Variants in ATM observed in about 807,000 individuals in gnomAD.
The protein encoded by ATM is serine-protein kinase ATM.
A neutral mutation model predicts 387.0 loss-of-function variants in ATM; 308 were observed. The ratio of observed to expected loss-of-function variants is 0.80; its 90% CI spans 0.73 to 0.87. The LOEUF is 0.87. Ranked by LOEUF, ATM falls within the 40% of genes least tolerant of loss-of-function variation. The pLI is 0.00. For synonymous variants in ATM, 1,156 were observed against 1,187.3 expected, an observed-to-expected ratio of 0.97 and a Z score of 0.54; for missense variants, 3,312 against 3,560.9, an observed-to-expected ratio of 0.93 and a Z score of 1.78.
intron 47 of ATM, among the ~76,000 whole-genome samples, chr11:108,326,670 T>C (rs958253395): frequency 6.6e-6 from 1 of 152,202 alleles, no homozygotes; most frequent in Non-Finnish European, 1.5e-5. Flanking sequence ...ACATTACCTG[T>C]TGGTTTTTGC....
intron 40 of ATM, among the ~76,000 whole-genome samples, chr11:108,312,749 A>G (rs1010808447): frequency 2.0e-5 from 3 of 152,214 alleles, no homozygotes; most frequent in African/African-American, 7.2e-5. Context: ...CTCAGAGTTT[A>G]TGCCATGCAT....
At chr11:108,354,070 A>AACAC (rs71047689) in intron 60 of ATM, among the ~76,000 whole-genome samples, 190 bp downstream of exon 60, 3,653 of 114,852 alleles carry the variant, frequency 0.032, 78 homozygotes, top group East Asian at 0.055. Context: ...CACACACACA[A>AACAC]ACACACACAC....
intron 49 of ATM, among the ~76,000 whole-genome samples, chr11:108,329,527 CCT>C (rs537961944): frequency 1.4e-4 from 22 of 152,186 alleles, no homozygotes; most frequent in Admixed American, 2.6e-4. Context: ...TGATTCTCCC[CCT>C]GAGCCCCCGA....
chr11:108,265,699 C>T lies in ATM; in HGVS notation c.2467-1472C>T, dbSNP rs868290267. Among the ~76,000 whole-genome samples the T allele has an allele frequency of 3.2e-3, 468 of 145,180 alleles. No individual in the cohort carries two copies. The Middle Eastern group carries it at 0.041, about 13-fold the overall frequency. ...ACTACCATCAGAGTGAACAGGCAAC[C>T]TACAAAATGGGAGAAAATTTTCGCA... is the stretch of plus-strand genomic sequence containing the variant. On this transcript the variant is annotated intron_variant, in intron 16 of 62. Coordinates refer to ENST00000675843, the MANE Select transcript of ATM (RefSeq NM_000051.4).
chr11:108,358,017 A>C (rs1288284058), intron 61 of ATM, among the ~76,000 whole-genome samples: 3 of 145,366 alleles, frequency 2.1e-5, no homozygotes, highest in African/African-American at 7.5e-5. Flanking sequence ...AGGACATTCA[A>C]ACCAAAGGCA....
chr11:108,267,237 A>C lies in ATM; in HGVS notation c.2533A>C (p.Asn845His), dbSNP rs1591587679. The C allele has an allele frequency of 6.2e-7, 1 of 1,614,140 alleles. No homozygotes were observed. The highest frequency in any genetic ancestry group is 8.5e-7 in the Non-Finnish European group (1 of 1,179,978). ...VESMEDDTNGNLMEVEDQSSM... is the reference protein window; with the variant it reads ...VESMEDDTNGHLMEVEDQSSM... ...ATCAATGGAAGATGATACTAATGGA[A>C]ATCTAATGGAGGTGGAGGATCAGTC... The change falls in exon 17 of 63, where the codon AAT (asparagine) becomes CAT (histidine). Residue 845 changes from asparagine to histidine, a missense_variant. By Grantham distance (68) the Asn-to-His change is moderately conservative. This residue lies in a region of ATM where 1,791 missense variants were observed against 1,804.5 expected (regional missense o/e 0.99). Transcript: ENST00000675843.
intron 61 of ATM, among the ~76,000 whole-genome samples, chr11:108,357,963 G>C (rs2090225105): frequency 6.7e-6 from 1 of 149,976 alleles, no homozygotes; most frequent in Non-Finnish European, 1.5e-5. Flanking sequence ...TTGACGAGCT[G>C]AGAGAAGAAG....
intron 37 of ATM, among the ~76,000 whole-genome samples, chr11:108,307,655 CAATT>C (rs2083793108): frequency 1.3e-5 from 2 of 152,156 alleles, no homozygotes; most frequent in Non-Finnish European, 2.9e-5. Flanking sequence ...CTTATTGAAT[CAATT>C]AATTAGTCCT....
At chr11:108,240,669 A>G (rs1191762795) in intron 5 of ATM, among the ~76,000 whole-genome samples, 1 of 145,394 alleles carries the variant, frequency 6.9e-6, no homozygotes, top group Non-Finnish European at 1.5e-5. Flanking sequence ...TATAGTATAA[A>G]GGATAAAACA....
chr11:108,279,738 A>G lies in ATM; in HGVS notation c.3402+130A>G, dbSNP rs912697735. 1.2e-5 allele frequency: 9 copies of G among 756,590 alleles called. 1 individual carries two copies. The highest frequency in any genetic ancestry group is 1.2e-4 in the South Asian group (8 of 69,060). The allele number at this position is 756,590 out of a possible 1,614,324, so 46.9% of individuals were successfully genotyped here. ...TACAGTATAAAGCTGCTCTAAAACA[A>G]CTGTATGAATTGATTGAAACTGCAT... On this transcript the variant is annotated intron_variant, in intron 23 of 62. Coordinates refer to ENST00000675843, the MANE Select transcript of ATM (RefSeq NM_000051.4).
chr11:108,273,331 CTTTTTTTTTT>C (rs563140198), intron 22 of ATM, among the ~76,000 whole-genome samples: 7 of 80,660 alleles, frequency 8.7e-5, no homozygotes, highest in South Asian at 8.9e-4. Context: ...TAATTTCATT[CTTTTTTTTTT>C]TTTTTTTTTT....
rs1468938522 is a variant in ATM, at chr11:108,254,039, G to C, written c.2124G>C (p.Glu708Asp). Residue 708 changes from glutamate to aspartate, a missense_variant and splice_region_variant, in exon 13 of 63, where the codon GAG (glutamate) becomes GAC (aspartate). Coordinates refer to ENST00000675843, the MANE Select transcript of ATM (RefSeq NM_000051.4). The stretch of plus-strand genomic sequence containing the variant: ...AGCTTCTGAATAATTACTCATCTGA[G>C]GTGAGATTTTTTAAAAAAAGAACTA... ...SEQLLNNYSS[E>D]ITNSETLVRC... is the part of the protein sequence containing the mutation. 6.2e-7 allele frequency: 1 copy of C among 1,612,852 alleles called. No homozygotes were observed. Among genetic ancestry groups the C allele is most frequent in the Non-Finnish European group, 8.5e-7 (1 of 1,179,656 alleles).
chr11:108,348,859 C>G (rs1372255365), intron 59 of ATM, among the ~76,000 whole-genome samples: 1 of 152,006 alleles, frequency 6.6e-6, no homozygotes, highest in Non-Finnish European at 1.5e-5. Flanking sequence ...AAGGTAGATG[C>G]TAAGAATCAG....
Position 108,254,051 on chromosome 11 carries a change from T to TA in ATM, c.2124+19dup, listed in dbSNP as rs35211268. ...ATTACTCATCTGAGGTGAGATTTTT[T>TA]AAAAAAAGAACTAAGCTTATATATG... On this transcript the variant is annotated intron_variant, in intron 13 of 62. Transcript: ENST00000675843. The TA allele has an allele frequency of 1.1e-5, 18 of 1,610,486 alleles. No homozygotes were observed. In the Admixed American group the frequency reaches 2.3e-4, roughly 21 times the overall value.
rs776001057 is a variant in ATM at position 108,249,073 on chromosome 11, G to A, written c.1206G>A (p.Lys402=). 3 of 1,613,992 alleles carry A rather than the reference G, an allele frequency of 1.9e-6. No homozygotes were observed. In the Admixed American group the frequency reaches 5.0e-5, roughly 27 times the overall value. Residue 402 remains lysine, a synonymous_variant, in exon 9 of 63, where the codon AAG becomes AAA. Coordinates refer to ENST00000675843, the MANE Select transcript of ATM (RefSeq NM_000051.4). The part of the protein sequence containing the change: ...GWEVIKDHLQ[K]SQNDFDLVPW... ...AAGTAATAAAAGATCACCTTCAGAA[G>A]TCACAGAATGATTTTGATCTTGTGC...
intron 16 of ATM, among the ~76,000 whole-genome samples, chr11:108,263,067 A>G (rs2081003737): frequency 6.6e-6 from 1 of 151,990 alleles, no homozygotes; most frequent in Non-Finnish European, 1.5e-5. Flanking sequence ...TCAACATTAG[A>G]CAGATCAACG....
In ATM at chr11:108,295,047, A is replaced by G. The variant is rs1591685231; in HGVS notation, c.4897A>G (p.Arg1633Gly). The G allele has an allele frequency of 6.2e-7, 1 of 1,613,920 alleles. No homozygotes were observed. The highest frequency in any genetic ancestry group is 2.2e-5 in the East Asian group (1 of 44,826). ...LHKDQMVDIM[R>G]ASQDNPQDGI... ...TAAAGATCAGATGGTGGACATTATGAGAGCTTCTCAGGGTGCTAATTTTAA... is the reference window on the plus strand; with the variant it reads ...TAAAGATCAGATGGTGGACATTATGGGAGCTTCTCAGGGTGCTAATTTTAA... The change falls in exon 32 of 63, where the codon AGA (arginine) becomes GGA (glycine). Residue 1633 changes from arginine (R) to glycine (G), a missense_variant. Arg to Gly is a moderately radical substitution (Grantham distance 125). This residue lies in a region of ATM where 1,405 missense variants were observed against 1,604.4 expected (regional missense o/e 0.88). Transcript: ENST00000675843.
Position 108,267,165 on chromosome 11 carries a change from TTGAAGGC to T in ATM, c.2467-5_2468del. ...TCTTGAACATCTTTGTTTCTCTTCC[TTGAAGGC>T]ATCCTTCATCAAAAAGCCATTTGAC... On this transcript the variant is annotated splice_acceptor_variant and splice_polypyrimidine_tract_variant and coding_sequence_variant and intron_variant, in exon 17 of 63. Coordinates refer to ENST00000675843, the MANE Select transcript of ATM (RefSeq NM_000051.4). LOFTEE classifies it high-confidence loss of function. 1 of 1,613,798 alleles carries T rather than the reference TTGAAGGC, an allele frequency of 6.2e-7. No individual in the cohort carries two copies. Among genetic ancestry groups the T allele is most frequent in the Non-Finnish European group, 8.5e-7 (1 of 1,179,818 alleles).
At chr11:108,336,832 C>CT (rs2086910213) in intron 56 of ATM, among the ~76,000 whole-genome samples, 1 of 152,298 alleles carries the variant, frequency 6.6e-6, no homozygotes, top group East Asian at 1.9e-4. Context: ...AGCTGATCAT[C>CT]TTTGACTCTT....
Sources: allele counts gnomAD v4.1 joint callset (sites outside exome capture counted in the v4.1 genomes callset), GRCh38; gene constraint gnomAD v4.1.1; regional missense constraint gnomAD v4.1.1; transcripts MANE v1.5; gene names NCBI Gene and HGNC (gene_info 2026-07-23, HGNC 2026-07-21).